The following USP34 variants were observed in gnomAD, a reference collection of about 807,000 sequenced individuals.
USP34 encodes ubiquitin specific peptidase 34, also known as ubiquitin carboxyl-terminal hydrolase 34.
USP34 carries 70 observed loss-of-function variants against 460.3 expected under a neutral mutation model. The ratio of observed to expected loss-of-function variants is 0.15; its 90% CI spans 0.13 to 0.19. USP34 has a LOEUF of 0.19. USP34 is among the 10% of genes least tolerant of loss of function. USP34 has a pLI of 1.00. For missense variants in USP34, 3,985 were observed against 4,236.2 expected, an observed-to-expected ratio of 0.94 and a Z score of 1.65; for synonymous variants, 1,647 against 1,405.3, an observed-to-expected ratio of 1.17 and a Z score of -3.85.
chr2:61,466,815 G>A (rs573340302), intron 1 of USP34, among the ~76,000 whole-genome samples: 14 of 151,922 alleles, frequency 9.2e-5, no homozygotes, highest in South Asian at 2.1e-4. Context: ...AGGAGGCTGA[G>A]GCAGAAGAAT....
At chr2:61,378,935 A>AAAAAAAAAAAAAAAC (rs1692885394) in intron 7 of USP34, among the ~76,000 whole-genome samples, 2 of 146,114 alleles carry the variant, frequency 1.4e-5, no homozygotes, top group Non-Finnish European at 1.5e-5. Flanking sequence ...AAAAAAAAAA[A>AAAAAAAAAAAAAAAC]AACAACACTA....
At chr2:61,304,538 A>G (rs1690341741) in intron 27 of USP34, among the ~76,000 whole-genome samples, 2 of 152,188 alleles carry the variant, frequency 1.3e-5, no homozygotes, top group South Asian at 4.1e-4. Context: ...GTCCTCCATC[A>G]ATGGGAGTGG....
chr2:61,413,285 T>C (rs1452798020), intron 2 of USP34, among the ~76,000 whole-genome samples: 2 of 152,086 alleles, frequency 1.3e-5, no homozygotes, highest in African/African-American at 4.8e-5. Context: ...CTCCAGATAC[T>C]CAGGAGGCTG....
chr2:61,332,924 T>C (rs147847979), intron 19 of USP34, among the ~76,000 whole-genome samples: 1 of 152,162 alleles, frequency 6.6e-6, no homozygotes, highest in East Asian at 1.9e-4. Flanking sequence ...TCTGGAATTA[T>C]AGTGCAGACT....
intron 76 of USP34, among the ~76,000 whole-genome samples, chr2:61,191,891 T>C (rs1267279153): frequency 1.3e-5 from 2 of 152,240 alleles, no homozygotes; most frequent in African/African-American, 2.4e-5. Context: ...ATTTTCTGAA[T>C]GCCTACTGTA....
At chr2:61,188,756 G>A in intron 79 of USP34, 47 bp from the exon 80 acceptor site, 1 of 1,594,314 alleles carries the variant, frequency 6.3e-7, no homozygotes, top group African/African-American at 1.4e-5. Flanking sequence ...AAGTCATTAA[G>A]ATCACGTTAG....
chr2:61,400,060 T>G (rs1367862335), intron 3 of USP34, among the ~76,000 whole-genome samples: 1 of 128,880 alleles, frequency 7.8e-6, no homozygotes, highest in Admixed American at 8.2e-5. Flanking sequence ...TTTGGTTATT[T>G]TAAAAGAGAA....
intron 3 of USP34, among the ~76,000 whole-genome samples, chr2:61,395,837 G>A (rs986365836): frequency 1.2e-4 from 18 of 150,970 alleles, no homozygotes; most frequent in South Asian, 4.2e-4. Context: ...AGGCCGAGGC[G>A]GGTGGATCAC....
At chr2:61,396,284 G>A (rs1693522011) in intron 3 of USP34, among the ~76,000 whole-genome samples, 1 of 152,210 alleles carries the variant, frequency 6.6e-6, no homozygotes, top group South Asian at 2.1e-4. Context: ...AAGTTCGTAT[G>A]AACTTTTTGG....
chr2:61,235,551 CTT>C, intron 57 of USP34, among the ~76,000 whole-genome samples: 1 of 152,140 alleles, frequency 6.6e-6, no homozygotes. Context: ...GGCTCGACCT[CTT>C]GATCTCGTAA....
At position 61,344,046 on chromosome 2, in the gene USP34, A is replaced by T. The variant is rs1317450449; in HGVS notation, c.2286-17T>A. On this transcript the variant is annotated splice_polypyrimidine_tract_variant and intron_variant, in intron 15 of 79. Transcript: ENST00000398571. ...ACCATATGCCTACAAAACAGAGAAA[A>T]GCACAAAGTTAGTAATTACGAATGT... is the stretch of plus-strand genomic sequence containing the variant. 5 of 1,608,112 alleles carry T rather than the reference A, an allele frequency of 3.1e-6. No homozygotes were observed. The highest frequency in any genetic ancestry group is 4.3e-6 in the Non-Finnish European group (5 of 1,175,596).
chr2:61,233,359 C>CA (rs1450241984), intron 57 of USP34, among the ~76,000 whole-genome samples: 1 of 151,004 alleles, frequency 6.6e-6, no homozygotes, highest in African/African-American at 2.4e-5. Context: ...GCACAAATGA[C>CA]AAAAAATGGC....
intron 71 of USP34, 52 bp from the exon 72 acceptor site, chr2:61,206,176 A>T: frequency 6.8e-7 from 1 of 1,473,212 alleles, no homozygotes; most frequent in Non-Finnish European, 9.5e-7. Flanking sequence ...AAACTTCCTC[A>T]CAAATGTTTT....
intron 69 of USP34, among the ~76,000 whole-genome samples, chr2:61,210,489 G>A (rs145017562): frequency 2.3e-3 from 355 of 152,282 alleles, no homozygotes; most frequent in Non-Finnish European, 4.0e-3. Flanking sequence ...CTAGTTGTGT[G>A]TGAGTAGTCA....
At chr2:61,284,526 T>C (rs1022898273) in intron 35 of USP34, among the ~76,000 whole-genome samples, 2 of 152,164 alleles carry the variant, frequency 1.3e-5, no homozygotes, top group African/African-American at 4.8e-5. Flanking sequence ...TTAGATAACA[T>C]ATCAATGTTA....
chr2:61,352,454 T>G (rs1691968220), intron 10 of USP34, among the ~76,000 whole-genome samples: 1 of 151,848 alleles, frequency 6.6e-6, no homozygotes, highest in Non-Finnish European at 1.5e-5. Flanking sequence ...TATTGAAACC[T>G]TGTTGGGGTT....
intron 25 of USP34, among the ~76,000 whole-genome samples, chr2:61,313,750 G>T (rs1422236231): frequency 6.6e-6 from 1 of 151,992 alleles, no homozygotes; most frequent in African/African-American, 2.4e-5. Flanking sequence ...AAAGAATTCT[G>T]TAATGTCCAA....
chr2:61,292,206 T>G (rs912207054), intron 33 of USP34, among the ~76,000 whole-genome samples: 3 of 152,060 alleles, frequency 2.0e-5, no homozygotes, highest in African/African-American at 7.2e-5. Flanking sequence ...TCAAAAAAAG[T>G]TTTAAAGGTA....
At chr2:61,378,231 G>A (rs1322959071) in intron 8 of USP34, 132 bp downstream of exon 8, 8 of 626,958 alleles carry the variant, frequency 1.3e-5, no homozygotes, top group Non-Finnish European at 1.9e-5. Context: ...AAAGCTTCAT[G>A]AAGAACTGTA....
Sources: allele counts gnomAD v4.1 joint callset (sites outside exome capture counted in the v4.1 genomes callset), GRCh38; gene constraint gnomAD v4.1.1; transcripts MANE v1.5; gene names NCBI Gene and HGNC (gene_info 2026-07-23, HGNC 2026-07-21).